Variants in DDX10 observed in about 807,000 individuals in gnomAD.
DDX10 encodes the protein DEAD-box helicase 10, also known as probable ATP-dependent RNA helicase DDX10.
DDX10 carries 74 observed loss-of-function variants against 104.3 expected under a neutral mutation model. The ratio of observed to expected loss-of-function variants is 0.71; its 90% CI spans 0.59 to 0.86. The LOEUF is 0.86. Ranked by LOEUF, DDX10 falls within the 40% of genes least tolerant of loss-of-function variation. The pLI is 0.00. For missense variants in DDX10, 952 were observed against 1,040.0 expected, an observed-to-expected ratio of 0.92 and a Z score of 1.16; for synonymous variants, 351 against 353.4, an observed-to-expected ratio of 0.99 and a Z score of 0.08.
At chr11:108,793,204 T>C (rs946947760) in intron 13 of DDX10, among the ~76,000 whole-genome samples, 2 of 152,318 alleles carry the variant, frequency 1.3e-5, no homozygotes, top group East Asian at 1.9e-4. Flanking sequence ...TCCACTGATA[T>C]GTGCACAGAA....
intron 13 of DDX10, among the ~76,000 whole-genome samples, chr11:108,798,157 C>G (rs894814089): frequency 1.3e-5 from 2 of 152,186 alleles, no homozygotes; most frequent in African/African-American, 4.8e-5. Flanking sequence ...TCAATACTTA[C>G]AGAAGAAAGG....
intron 13 of DDX10, among the ~76,000 whole-genome samples, chr11:108,793,573 T>C (rs1861899416): frequency 6.6e-6 from 1 of 152,178 alleles, no homozygotes; most frequent in South Asian, 2.1e-4. Flanking sequence ...ATAAATGGTG[T>C]TTTAAAAAAC....
Position 108,940,357 on chromosome 11 carries a change from G to A in DDX10, c.2562G>A (p.Leu854=), listed in dbSNP as rs1358155629. 3.1e-6 allele frequency: 5 copies of A among 1,613,894 alleles called. No individual in the cohort carries two copies. The highest frequency in any genetic ancestry group is 4.2e-6 in the Non-Finnish European group (5 of 1,180,010). ...KKARWDTLEP[L]DTGLSLAEDE... is the part of the protein sequence containing the mutation. ...CCAGGTGGGACACTTTAGAGCCTTT[G>A]GATACCGGCCTGTCTTTAGCAGAGG... The change falls in exon 18 of 18, where the codon TTG becomes TTA. Residue 854 remains leucine (L), a synonymous_variant. Transcript: ENST00000322536.
chr11:108,684,461 T>C (rs200256998), intron 6 of DDX10, among the ~76,000 whole-genome samples: 16,267 of 145,574 alleles, frequency 0.11, 1,210 homozygotes, highest in East Asian at 0.25. Context: ...TTTGGTTTTT[T>C]GTTCTTGCGA....
intron 1 of DDX10, among the ~76,000 whole-genome samples, chr11:108,669,915 G>T (rs1432645504): frequency 1.3e-5 from 2 of 152,208 alleles, no homozygotes; most frequent in African/African-American, 4.8e-5. Context: ...AATGGACTCT[G>T]CCGTAGAGTC....
chr11:108,819,701 C>T (rs577784707), intron 13 of DDX10, among the ~76,000 whole-genome samples: 2 of 152,194 alleles, frequency 1.3e-5, no homozygotes, highest in African/African-American at 4.8e-5. Context: ...CAGGTTCAAG[C>T]GATTCTCCTG....
At chr11:108,847,120 A>G (rs1862730106) in intron 15 of DDX10, among the ~76,000 whole-genome samples, 1 of 152,226 alleles carries the variant, frequency 6.6e-6, no homozygotes, top group Admixed American at 6.6e-5. Context: ...TCTGGAATCA[A>G]TCATTGGAAA....
In DDX10 at chr11:108,885,204, C is replaced by T. The variant is rs1184189053; in HGVS notation, c.2305-32669C>T. On this transcript the variant is annotated intron_variant, in intron 16 of 17. Transcript: ENST00000322536. ...TGGCCTTCAGTGTATCTTAATGCCC[C>T]CATGTCACTACCAGTTTTTTCTCAA... 2.0e-5 allele frequency among the ~76,000 whole-genome samples: 3 copies of T among 152,164 alleles called. No homozygotes were observed. In the East Asian group the frequency reaches 5.8e-4, roughly 29 times the overall value.
chr11:108,709,088 T>G (rs1488917652), intron 10 of DDX10, among the ~76,000 whole-genome samples: 1 of 152,234 alleles, frequency 6.6e-6, no homozygotes, highest in African/African-American at 2.4e-5. Context: ...TTTCCTTTTC[T>G]TGTCTTATTG....
At chr11:108,758,962 T>C (rs1262371145) in intron 13 of DDX10, among the ~76,000 whole-genome samples, 1 of 151,868 alleles carries the variant, frequency 6.6e-6, no homozygotes. Context: ...TAAGTCATAA[T>C]TGTGCCTCTA....
At chr11:108,699,811 T>G (rs1476801835) in intron 9 of DDX10, among the ~76,000 whole-genome samples, 1 of 152,098 alleles carries the variant, frequency 6.6e-6, no homozygotes, top group Non-Finnish European at 1.5e-5. Context: ...AATCCTGAGG[T>G]AGAAGTGAAA....
intron 13 of DDX10, among the ~76,000 whole-genome samples, chr11:108,743,802 G>A (rs942704448): frequency 3.3e-5 from 5 of 152,154 alleles, no homozygotes; most frequent in Non-Finnish European, 7.4e-5. Context: ...GCAAATGGAA[G>A]CAGGTGTCCC....
intron 16 of DDX10, among the ~76,000 whole-genome samples, chr11:108,852,458 T>G (rs1051943149): frequency 2.6e-5 from 4 of 152,258 alleles, no homozygotes; most frequent in Admixed American, 6.5e-5. Flanking sequence ...AATTTGTTAC[T>G]GGGCTTGGCC....
At chr11:108,737,382 G>T (rs1167150185) in intron 13 of DDX10, among the ~76,000 whole-genome samples, 1 of 152,148 alleles carries the variant, frequency 6.6e-6, no homozygotes, top group Non-Finnish European at 1.5e-5. Flanking sequence ...TAGCTTGCCT[G>T]CTGGCTGTTA....
At chr11:108,842,218 A>G (rs1862648350) in intron 15 of DDX10, among the ~76,000 whole-genome samples, 1 of 152,198 alleles carries the variant, frequency 6.6e-6, no homozygotes, top group Admixed American at 6.5e-5. Context: ...TTAATTCCCT[A>G]GAAGTGAACA....
chr11:108,722,927 C>G (rs2094300116), intron 12 of DDX10, 70 bp from the exon 13 acceptor site: 1 of 1,487,580 alleles, frequency 6.7e-7, no homozygotes, highest in Non-Finnish European at 8.9e-7. Flanking sequence ...TCTTGAGAAA[C>G]TCTTCTATGA....
intron 16 of DDX10, among the ~76,000 whole-genome samples, chr11:108,901,501 T>A (rs1488232339): frequency 1.3e-5 from 2 of 152,230 alleles, no homozygotes; most frequent in African/African-American, 4.8e-5. Context: ...GTACGTCTTC[T>A]GAGACATTTT....
chr11:108,695,351 T>C (rs999768764), intron 9 of DDX10, among the ~76,000 whole-genome samples: 9 of 152,234 alleles, frequency 5.9e-5, no homozygotes, highest in Non-Finnish European at 8.8e-5. Flanking sequence ...GATTCCAGGA[T>C]TGGTCTAACT....
In DDX10 at chr11:108,852,152, G is replaced by A. The variant is rs1253308180; in HGVS notation, c.2248-1G>A. The A allele has an allele frequency of 1.9e-6, 3 of 1,609,272 alleles. No homozygotes were observed. Among genetic ancestry groups the A allele is most frequent in the Non-Finnish European group, 2.5e-6 (3 of 1,177,188 alleles). On this transcript the variant is annotated splice_acceptor_variant, in intron 15 of 17. Transcript: ENST00000322536. LOFTEE classifies it high-confidence loss of function. ...ATTTTTCTCCTCTTCCTTGTCTCCA[G>A]GAGAAAAGACTGAAAGAAAGGGAAG...
Sources: allele counts gnomAD v4.1 joint callset (sites outside exome capture counted in the v4.1 genomes callset), GRCh38; gene constraint gnomAD v4.1.1; transcripts MANE v1.5; gene names NCBI Gene and HGNC (gene_info 2026-07-23, HGNC 2026-07-21).